ARAP2: variants seen among roughly 807,000 people sequenced by gnomAD.
ARAP2 encodes ArfGAP with RhoGAP domain, ankyrin repeat and PH domain 2.
A neutral mutation model predicts 194.5 loss-of-function variants in ARAP2; 148 were observed. That is an observed-to-expected ratio of 0.76 (90% confidence interval 0.67 to 0.87). The LOEUF is 0.87. ARAP2 is among the 40% of genes least tolerant of loss of function. The probability of loss-of-function intolerance (pLI) is 0.00; values close to 1 mark genes in which losing one functional copy is unlikely to be tolerated. For missense variants in ARAP2, 2,128 were observed against 1,989.7 expected (o/e 1.07, Z -1.32); for synonymous variants, 695 against 683.5 (o/e 1.02, Z -0.26).
intron 27 of ARAP2, among the ~76,000 whole-genome samples, chr4:36,103,850 T>A (rs1209558386): frequency 6.6e-6 from 1 of 151,860 alleles, no homozygotes; most frequent in Non-Finnish European, 1.5e-5. Context: ...ATAGTTCAGA[T>A]AAAGAAAGAA....
At chr4:36,213,932 T>C (rs1456853405) in intron 3 of ARAP2, among the ~76,000 whole-genome samples, 1 of 152,144 alleles carries the variant, frequency 6.6e-6, no homozygotes, top group Non-Finnish European at 1.5e-5. Flanking sequence ...AAATTTTTCT[T>C]AAAAATTCAG....
intron 9 of ARAP2, among the ~76,000 whole-genome samples, chr4:36,172,173 A>G (rs1484579529): frequency 6.6e-6 from 1 of 152,194 alleles, no homozygotes; most frequent in African/African-American, 2.4e-5. Flanking sequence ...CTAAAATAAC[A>G]ATGGCTATGC....
At chr4:36,102,250 T>G (rs1442515713) in intron 27 of ARAP2, among the ~76,000 whole-genome samples, 1 of 151,922 alleles carries the variant, frequency 6.6e-6, no homozygotes, top group East Asian at 1.9e-4. Context: ...GCTCCATCCA[T>G]CACTCCCAAC....
intron 19 of ARAP2, among the ~76,000 whole-genome samples, chr4:36,143,592 C>T (rs1250533754): frequency 6.6e-6 from 1 of 151,564 alleles, no homozygotes; most frequent in Non-Finnish European, 1.5e-5. Flanking sequence ...GGTAACTGCC[C>T]CCATTGTCAT....
In ARAP2 at chr4:36,147,094, T is replaced by C. The variant is rs147529704; in HGVS notation, c.3263+202A>G. On this transcript the variant is annotated intron_variant, in intron 19 of 32. Coordinates refer to ENST00000303965, the MANE Select transcript of ARAP2 (RefSeq NM_015230.4). ...ATAATTGATCACAATAAGTTTGTCA[T>C]AAAAATTATAAAGATATGTAAATAT... Among the ~76,000 whole-genome samples, 907 of 152,178 alleles carry C rather than the reference T, an allele frequency of 6.0e-3. 13 individuals carry two copies. The highest frequency in any genetic ancestry group is 0.021 in the African/African-American group (862 of 41,540).
intron 5 of ARAP2, among the ~76,000 whole-genome samples, chr4:36,032,847 C>T (rs898956218): frequency 5.3e-5 from 8 of 152,114 alleles, no homozygotes; most frequent in East Asian, 1.9e-4. Flanking sequence ...CTCAAGTAGG[C>T]GCCAGTGTCT....
intron 19 of ARAP2, among the ~76,000 whole-genome samples, chr4:36,145,757 T>C (rs56157133): frequency 0.32 from 48,436 of 151,706 alleles, 8,875 homozygotes; most frequent in East Asian, 0.46. Flanking sequence ...GGCTTCTTTG[T>C]GTGATCATTC....
rs1725934285 is a variant in ARAP2 at position 36,068,163 on chromosome 4, T to C, written c.4859A>G (p.Asp1620Gly). 6.2e-7 allele frequency: 1 copy of C among 1,613,878 alleles called. No individual in the cohort carries two copies. Among genetic ancestry groups the C allele is most frequent in the Non-Finnish European group, 8.5e-7 (1 of 1,179,728 alleles). The change falls in exon 33 of 33, where the codon GAC becomes GGC. Residue 1620 changes from aspartate (D) to glycine (G), a missense_variant. Coordinates refer to ENST00000303965, the MANE Select transcript of ARAP2 (RefSeq NM_015230.4). Reference sequence around the variant, plus strand: ...TCGGGGTCGATTTCGAAGTTTATCGTCCTTGTGCTCCAGGCAGTGGGCCAC... The same window carrying C: ...TCGGGGTCGATTTCGAAGTTTATCGCCCTTGTGCTCCAGGCAGTGGGCCAC... ...SMVAHCLEHK[D>G]DKLRNRPRKH...
chr4:36,223,250 C>A (rs1217710054), intron 2 of ARAP2, among the ~76,000 whole-genome samples: 1 of 151,970 alleles, frequency 6.6e-6, no homozygotes, highest in Non-Finnish European at 1.5e-5. Context: ...TGTTTTAAAA[C>A]CCCAAATAAT....
At chr4:36,060,555 G>C (rs956824193) in intron 1 of ARAP2, among the ~76,000 whole-genome samples, 2 of 152,106 alleles carry the variant, frequency 1.3e-5, no homozygotes, top group African/African-American at 4.8e-5. Flanking sequence ...AGGGTATTCT[G>C]CTCATCATAT....
At chr4:36,042,955 G>C (rs1053242601) in intron 5 of ARAP2, among the ~76,000 whole-genome samples, 1 of 151,058 alleles carries the variant, frequency 6.6e-6, no homozygotes. Flanking sequence ...CAATTCTCCT[G>C]CCTCAGCCTA....
chr4:36,012,412 AACTTT>A (rs1714734293), intron 9 of ARAP2, among the ~76,000 whole-genome samples: 1 of 152,192 alleles, frequency 6.6e-6, no homozygotes, highest in Non-Finnish European at 1.5e-5. Context: ...ATTATTTTTC[AACTTT>A]ACTTAGTGTT....
rs1733152787 is a variant in ARAP2 at position 36,158,641 on chromosome 4, T to A, written c.2752+89A>T. On this transcript the variant is annotated intron_variant, in intron 15 of 32. Coordinates refer to ENST00000303965, the MANE Select transcript of ARAP2 (RefSeq NM_015230.4). ...CTCTACTTGGAGATCAAATCTAACA[T>A]CTCAAAAAAATCAAAATCTAAACCT... 5 of 1,144,728 alleles carry A rather than the reference T, an allele frequency of 4.4e-6. No individual in the cohort carries two copies. The South Asian group carries it at 6.3e-5, about 14-fold the overall frequency. The allele number at this position is 1,144,728 out of a possible 1,614,324, so 70.9% of individuals were successfully genotyped here.
In ARAP2 at chr4:36,174,824, C is replaced by T. The variant is rs116108220; in HGVS notation, c.1857+3003G>A. On this transcript the variant is annotated intron_variant, in intron 9 of 32. Transcript: ENST00000303965. ...GCAGAACAAGAATAAAAACCCACAA[C>T]TGCAACCTCCCAGTCCAATCTTCTT... Among the ~76,000 whole-genome samples, 859 of 152,280 alleles carry T rather than the reference C, an allele frequency of 5.6e-3. 5 individuals carry two copies. The highest frequency in any genetic ancestry group is 9.5e-3 in the Non-Finnish European group (646 of 68,012).
chr4:36,139,123 C>A (rs1010760407), intron 19 of ARAP2, among the ~76,000 whole-genome samples: 1 of 151,544 alleles, frequency 6.6e-6, no homozygotes, highest in Non-Finnish European at 1.5e-5. Flanking sequence ...AACCATGTTG[C>A]TTAAAGAACA....
intron 9 of ARAP2, 120 bp downstream of exon 9, chr4:36,177,707 G>T: frequency 1.0e-6 from 1 of 952,510 alleles, no homozygotes; most frequent in Non-Finnish European, 1.5e-6. Context: ...TATATTTAGT[G>T]GAGTACACAA....
chr4:36,082,651 G>A (rs1729842142), intron 29 of ARAP2, among the ~76,000 whole-genome samples: 2 of 152,160 alleles, frequency 1.3e-5, no homozygotes, highest in South Asian at 4.1e-4. Flanking sequence ...ACAGGTATAT[G>A]CTCTAGGCTT....
At chr4:36,211,606 G>A (rs565197600) in intron 5 of ARAP2, among the ~76,000 whole-genome samples, 1 of 152,196 alleles carries the variant, frequency 6.6e-6, no homozygotes, top group South Asian at 2.1e-4. Context: ...TACTAAAGAT[G>A]TTTAATTGTT....
intron 9 of ARAP2, among the ~76,000 whole-genome samples, chr4:36,172,984 A>G (rs1736991365): frequency 1.3e-5 from 2 of 152,162 alleles, no homozygotes; most frequent in Admixed American, 6.5e-5. Context: ...CCAGAACACC[A>G]GGGAACATTA....
Sources: allele counts gnomAD v4.1 joint callset (sites outside exome capture counted in the v4.1 genomes callset), GRCh38; gene constraint gnomAD v4.1.1; transcripts MANE v1.5; gene names NCBI Gene and HGNC (gene_info 2026-07-23, HGNC 2026-07-21).